NIF3L1: variants seen among roughly 807,000 people sequenced by gnomAD.
NIF3L1 encodes NIF3-like protein 1.
NIF3L1 carries 26 observed loss-of-function variants against 35.0 expected under a neutral mutation model. The observed-to-expected ratio is 0.74, with a 90% CI of 0.54 to 1.03. The LOEUF is 1.03. Among genes scored for constraint, NIF3L1 ranks in the 50% least tolerant of loss-of-function variants. NIF3L1 has a pLI of 0.00. For synonymous variants in NIF3L1, 157 were observed against 178.9 expected (o/e 0.88, Z 0.98); for missense variants, 449 against 466.3 (o/e 0.96, Z 0.34).
intron 3 of NIF3L1, 117 bp downstream of exon 3, chr2:200,893,525 C>T (rs2040243348): frequency 2.1e-6 from 2 of 972,024 alleles, no homozygotes; most frequent in East Asian, 5.2e-5. Flanking sequence ...AGTTGATTTA[C>T]AAAGTAGCAT....
At chr2:200,894,027 A>G (rs1575133543) in intron 3 of NIF3L1, among the ~76,000 whole-genome samples, 1 of 152,154 alleles carries the variant, frequency 6.6e-6, no homozygotes, top group East Asian at 2.0e-4. Context: ...ATACAAAATT[A>G]GCTGGGCGTA....
In NIF3L1 at chr2:200,895,325, G is replaced by T. The variant is rs748756784; in HGVS notation, c.661G>T (p.Val221Leu). ...TTGTACTCAGAAGGCTTTGATGCAG[G>T]TGGTAGATTTTCTTTCCCGGAACAA... Reference protein sequence around the residue: ...LNCTQKALMQVVDFLSRNKQL... With the variant: ...LNCTQKALMQLVDFLSRNKQL... Residue 221 changes from valine (V) to leucine (L), a missense_variant, in exon 4 of 7, where the codon GTG (valine) becomes TTG (leucine). Val to Leu is a conservative substitution (Grantham distance 32). Transcript: ENST00000409020. The T allele has an allele frequency of 1.2e-6, 2 of 1,613,770 alleles. No homozygotes were observed. Among genetic ancestry groups the T allele is most frequent in the South Asian group, 1.1e-5 (1 of 91,090 alleles).
At chr2:200,892,461 G>A (rs908685199) in intron 2 of NIF3L1, 82 bp downstream of exon 2, 1 of 1,099,526 alleles carries the variant, frequency 9.1e-7, no homozygotes, top group East Asian at 2.6e-5. Flanking sequence ...AGTTTTAACT[G>A]CTTTAGGGTT....
At chr2:200,897,424 G>A (rs10204787) in intron 5 of NIF3L1, among the ~76,000 whole-genome samples, 25,542 of 152,048 alleles carry the variant, frequency 0.17, 2,354 homozygotes, top group African/African-American at 0.21. Context: ...GTCATGCTAT[G>A]TGTTCATTTC....
rs1485267927 is a variant in NIF3L1, at chr2:200,891,956, T to C, written c.13T>C (p.Cys5Arg). The C allele has an allele frequency of 8.7e-6, 14 of 1,607,150 alleles. No homozygotes were observed. The highest frequency in any genetic ancestry group is 1.1e-5 in the Non-Finnish European group (13 of 1,175,736). The part of the protein sequence containing the change: MLSS[C>R]VRPVPTTVRF... ...ACCTGATTTCTGTATGTTGTCATCTTGCGTACGCCCAGTCCCCACGACAGT... is the reference window on the plus strand; with the variant it reads ...ACCTGATTTCTGTATGTTGTCATCTCGCGTACGCCCAGTCCCCACGACAGT... Residue 5 changes from cysteine (C) to arginine (R), a missense_variant, in exon 2 of 7, where the codon TGC (cysteine) becomes CGC (arginine). Physicochemically the swap from Cys to Arg is radical, Grantham distance 180 (BLOSUM62 -3). Coordinates refer to ENST00000409020, the MANE Select transcript of NIF3L1 (RefSeq NM_001369441.2).
At chr2:200,893,094 T>C (rs1559348901) in intron 2 of NIF3L1, 152 bp from the exon 3 acceptor site, 6 of 470,976 alleles carry the variant, frequency 1.3e-5, no homozygotes, top group Non-Finnish European at 1.5e-5. Context: ...GGACTGGTGA[T>C]GTATATCTAA....
At chr2:200,893,434 TG>T (rs1559349173) in intron 3 of NIF3L1, 26 bp downstream of exon 3, 1 of 1,609,880 alleles carries the variant, frequency 6.2e-7, no homozygotes, top group East Asian at 2.2e-5. Context: ...CTCTTTTTTT[TG>T]TGTGTATTTA....
chr2:200,897,347 A>G (rs2040335948), intron 5 of NIF3L1, 133 bp downstream of exon 5: 4 of 948,150 alleles, frequency 4.2e-6, no homozygotes, highest in East Asian at 2.6e-5. Context: ...TACGTTATTG[A>G]TTAGGGTGGG....
At chr2:200,893,193 A>C in intron 2 of NIF3L1, 53 bp from the exon 3 acceptor site, 8 of 1,397,282 alleles carry the variant, frequency 5.7e-6, no homozygotes, top group Non-Finnish European at 7.7e-6. Context: ...TTACTTTTAA[A>C]TCTTAATCTC....
chr2:200,899,277 A>G, intron 5 of NIF3L1, 108 bp from the exon 6 acceptor site: 1 of 725,426 alleles, frequency 1.4e-6, no homozygotes, highest in Non-Finnish European at 2.3e-6. Context: ...ACTGGTGATG[A>G]GACCAGGAGT....
intron 6 of NIF3L1, among the ~76,000 whole-genome samples, chr2:200,903,058 G>C (rs572267519): frequency 6.6e-6 from 1 of 152,352 alleles, no homozygotes; most frequent in South Asian, 2.1e-4. Context: ...CTGAAGTGCA[G>C]TGGTGCAGTC....
At chr2:200,890,853 CTTCT>C (rs1298297859) in intron 1 of NIF3L1, among the ~76,000 whole-genome samples, 1 of 152,136 alleles carries the variant, frequency 6.6e-6, no homozygotes, top group African/African-American at 2.4e-5. Context: ...GGGGCAGTGG[CTTCT>C]CCCTTCTTCT....
Position 200,903,549 on chromosome 2 carries a change from C to T in NIF3L1, c.1005C>T (p.Ile335=). The T allele has an allele frequency of 1.2e-6, 2 of 1,614,080 alleles. No individual in the cohort carries two copies. Among genetic ancestry groups the T allele is most frequent in the Non-Finnish European group, 1.7e-6 (2 of 1,179,938 alleles). ...LDAASQGINV[I]LCEHSNTERG... ...CTGCTTCCCAAGGAATAAATGTCAT[C>T]CTCTGTGAACACAGCAACACTGAAC... Residue 335 remains isoleucine (I), a synonymous_variant, in exon 7 of 7, where the codon ATC becomes ATT. Coordinates refer to ENST00000409020, the MANE Select transcript of NIF3L1 (RefSeq NM_001369441.2).
At chr2:200,898,418 A>T (rs1410830244) in intron 5 of NIF3L1, among the ~76,000 whole-genome samples, 1 of 152,190 alleles carries the variant, frequency 6.6e-6, no homozygotes, top group Non-Finnish European at 1.5e-5. Context: ...TCACAAGAAC[A>T]GCATGGGGGA....
chr2:200,891,087 T>C (rs2040180136), intron 1 of NIF3L1, among the ~76,000 whole-genome samples: 3 of 151,978 alleles, frequency 2.0e-5, no homozygotes, highest in Middle Eastern at 6.8e-3. Context: ...GCCTCCCGAG[T>C]AGCTGGGACT....
At chr2:200,892,488 C>A (rs2040219452) in intron 2 of NIF3L1, 109 bp downstream of exon 2, 1 of 721,092 alleles carries the variant, frequency 1.4e-6, no homozygotes, top group Non-Finnish European at 2.1e-6. Flanking sequence ...GGCATGATTC[C>A]ATTTTTATAT....
Position 200,891,952 on chromosome 2 carries a change from A to G in NIF3L1, c.9A>G (p.Ser3=), listed in dbSNP as rs115524838. The G allele has an allele frequency of 6.7e-4, 1,081 of 1,604,236 alleles. 5 individuals are homozygous for G. In the African/African-American group the frequency reaches 0.012, roughly 18 times the overall value. ML[S]SCVRPVPTTV... ...CTTTACCTGATTTCTGTATGTTGTC[A>G]TCTTGCGTACGCCCAGTCCCCACGA... is the stretch of plus-strand genomic sequence containing the variant. The change falls in exon 2 of 7, where the codon TCA becomes TCG. Residue 3 remains serine (S), a synonymous_variant. Coordinates refer to ENST00000409020, the MANE Select transcript of NIF3L1 (RefSeq NM_001369441.2).
chr2:200,899,174 C>G (rs1477675293), intron 5 of NIF3L1: 1 of 395,732 alleles, frequency 2.5e-6, no homozygotes, highest in African/African-American at 2.0e-5. Context: ...GAATAATAAC[C>G]ATGCCTTGGG....
intron 4 of NIF3L1, 73 bp downstream of exon 4, chr2:200,895,463 T>C: frequency 1.4e-6 from 2 of 1,478,322 alleles, no homozygotes; most frequent in Non-Finnish European, 1.9e-6. Context: ...TGAGGTATAA[T>C]TGATATACTT....
Sources: allele counts gnomAD v4.1 joint callset (sites outside exome capture counted in the v4.1 genomes callset), GRCh38; gene constraint gnomAD v4.1.1; transcripts MANE v1.5; gene names NCBI Gene and HGNC (gene_info 2026-07-23, HGNC 2026-07-21).